Variants in GRM8 observed in about 807,000 individuals in gnomAD.
GRM8 encodes glutamate metabotropic receptor 8.
Under a neutral mutation model 87.2 loss-of-function variants are expected in GRM8, and 47 were observed. The ratio of observed to expected loss-of-function variants is 0.54; its 90% CI spans 0.43 to 0.69. The LOEUF (loss-of-function observed/expected upper bound fraction) is 0.69, where lower values mean the gene tolerates loss of function less well. Ranked by LOEUF, GRM8 falls within the 30% of genes least tolerant of loss-of-function variation. The pLI is 0.00. For missense variants in GRM8, 1,019 were observed against 1,139.2 expected (o/e 0.89, Z 1.52); for synonymous variants, 396 against 404.5 (o/e 0.98, Z 0.25).
intron 6 of GRM8, among the ~76,000 whole-genome samples, chr7:126,888,972 G>A (rs1800745136): frequency 6.6e-6 from 1 of 152,116 alleles, no homozygotes; most frequent in Non-Finnish European, 1.5e-5. Flanking sequence ...AGTGATACAT[G>A]GGTGGAATGA....
intron 7 of GRM8, among the ~76,000 whole-genome samples, chr7:126,765,642 G>T (rs2151591536): frequency 6.6e-6 from 1 of 152,224 alleles, no homozygotes; most frequent in South Asian, 2.1e-4. Flanking sequence ...GTAAGGAATT[G>T]ACAAGTTCCT....
intron 3 of GRM8, among the ~76,000 whole-genome samples, chr7:126,935,999 TCAGA>T (rs1806273803): frequency 6.6e-6 from 1 of 152,212 alleles, no homozygotes; most frequent in Non-Finnish European, 1.5e-5. Context: ...GTGCTTGCTC[TCAGA>T]CAAACATTAC....
intron 3 of GRM8, chr7:127,058,061 C>G (rs567081480): frequency 2.3e-5 from 10 of 431,786 alleles, no homozygotes; most frequent in Admixed American, 1.4e-4. Flanking sequence ...GTTTAAAAAC[C>G]CTTCTGGAAT....
At chr7:126,822,827 A>G (rs550101701) in intron 6 of GRM8, among the ~76,000 whole-genome samples, 2 of 152,322 alleles carry the variant, frequency 1.3e-5, no homozygotes, top group East Asian at 1.9e-4. Context: ...AGATTAATGC[A>G]TCTACATATC....
intron 7 of GRM8, among the ~76,000 whole-genome samples, chr7:126,694,171 A>T (rs546240368): frequency 6.6e-6 from 1 of 152,110 alleles, no homozygotes; most frequent in East Asian, 1.9e-4. Context: ...ATATTTCCCT[A>T]TGTGATTCTG....
At chr7:126,634,310 G>A (rs993905251) in intron 7 of GRM8, among the ~76,000 whole-genome samples, 1 of 152,080 alleles carries the variant, frequency 6.6e-6, no homozygotes, top group Non-Finnish European at 1.5e-5. Context: ...TTCTCATATT[G>A]AAGTCCTGCA....
At chr7:127,146,003 T>C (rs557864301) in intron 2 of GRM8, among the ~76,000 whole-genome samples, 1 of 152,034 alleles carries the variant, frequency 6.6e-6, no homozygotes, top group Admixed American at 6.6e-5. Flanking sequence ...TATGGCAAAA[T>C]GGGAGCAATC....
At chr7:127,035,167 A>G (rs530637330) in intron 3 of GRM8, among the ~76,000 whole-genome samples, 1 of 152,310 alleles carries the variant, frequency 6.6e-6, no homozygotes, top group Admixed American at 6.5e-5. Context: ...TCCATAAAAA[A>G]CAATTCTTTT....
chr7:126,633,806 T>C (rs935023913), intron 7 of GRM8, among the ~76,000 whole-genome samples: 2 of 150,884 alleles, frequency 1.3e-5, no homozygotes, highest in African/African-American at 2.5e-5. Context: ...ATATGTACCA[T>C]ATAAATAACT....
chr7:127,110,265 G>A (rs1337066678), intron 2 of GRM8, among the ~76,000 whole-genome samples: 4 of 152,094 alleles, frequency 2.6e-5, no homozygotes, highest in Non-Finnish European at 4.4e-5. Flanking sequence ...CCAGAAGCCT[G>A]ATGAACACTC....
chr7:127,110,904 C>T (rs984982307), intron 2 of GRM8: 14 of 152,202 alleles, frequency 9.2e-5, no homozygotes, highest in African/African-American at 2.7e-4. Context: ...TGTCCACATA[C>T]ATCTCAGGCT....
At chr7:126,573,593 T>C (rs969942826) in intron 8 of GRM8, among the ~76,000 whole-genome samples, 29 of 151,644 alleles carry the variant, frequency 1.9e-4, no homozygotes, top group African/African-American at 7.0e-4. Context: ...TTTTTTAATT[T>C]TTTTTTTTTG....
chr7:127,142,127 C>A (rs773582182), intron 2 of GRM8, among the ~76,000 whole-genome samples: 2 of 151,994 alleles, frequency 1.3e-5, no homozygotes, highest in Non-Finnish European at 2.9e-5. Flanking sequence ...GTATGCACCA[C>A]CATGCACACC....
At chr7:127,102,168 C>T (rs976271601) in intron 3 of GRM8, among the ~76,000 whole-genome samples, 1 of 152,128 alleles carries the variant, frequency 6.6e-6, no homozygotes, top group Non-Finnish European at 1.5e-5. Flanking sequence ...CTTTTAATAA[C>T]CTATATCAGA....
intron 2 of GRM8, among the ~76,000 whole-genome samples, chr7:127,132,783 C>A (rs547108243): frequency 3.5e-4 from 54 of 152,142 alleles, no homozygotes; most frequent in African/African-American, 1.3e-3. Context: ...TCTGGGCACT[C>A]TAGGACATGC....
At chr7:127,015,068 A>AAG (rs367718694) in intron 3 of GRM8, among the ~76,000 whole-genome samples, 1,913 of 92,312 alleles carry the variant, frequency 0.021, 19 homozygotes, top group Non-Finnish European at 0.032. Flanking sequence ...GAAGAAGAAG[A>AAG]AAGAAAGAAG....
chr7:126,918,453 T>A (rs1479767388), intron 3 of GRM8, among the ~76,000 whole-genome samples: 3 of 152,060 alleles, frequency 2.0e-5, no homozygotes, highest in African/African-American at 7.2e-5. Context: ...AGCAGACAAC[T>A]CATGTTACTG....
chr7:127,179,597 G>A (rs920612282), intron 2 of GRM8, among the ~76,000 whole-genome samples: 2 of 152,030 alleles, frequency 1.3e-5, no homozygotes, highest in African/African-American at 4.8e-5. Context: ...CATATGACAG[G>A]CCATAAAATG....
At chr7:126,964,639 C>A (rs1328958675) in intron 3 of GRM8, among the ~76,000 whole-genome samples, 4 of 152,110 alleles carry the variant, frequency 2.6e-5, no homozygotes, top group Non-Finnish European at 4.4e-5. Context: ...GAATGGCAAT[C>A]ATTAAAAAGT....
Sources: allele counts gnomAD v4.1 joint callset (sites outside exome capture counted in the v4.1 genomes callset), GRCh38; gene constraint gnomAD v4.1.1; transcripts MANE v1.5; gene names NCBI Gene and HGNC (gene_info 2026-07-23, HGNC 2026-07-21).